Variants in PRKDC observed in about 807,000 individuals in gnomAD.
The protein encoded by PRKDC is DNA-dependent protein kinase catalytic subunit.
In PRKDC, 82 loss-of-function variants were observed where a neutral mutation model predicts 486.9. The observed-to-expected ratio is 0.17, with a 90% CI of 0.14 to 0.20. The LOEUF (loss-of-function observed/expected upper bound fraction) is 0.20, where lower values mean the gene tolerates loss of function less well. Among genes scored for constraint, PRKDC ranks in the 10% least tolerant of loss-of-function variants. The probability of loss-of-function intolerance (pLI) is 1.00; values close to 1 mark genes in which losing one functional copy is unlikely to be tolerated. For synonymous variants in PRKDC, 1,895 were observed against 1,837.0 expected, an observed-to-expected ratio of 1.03 and a Z score of -0.81; for missense variants, 4,504 against 5,038.2, an observed-to-expected ratio of 0.89 and a Z score of 3.21.
intron 3 of PRKDC, among the ~76,000 whole-genome samples, 151 bp from the exon 4 acceptor site, chr8:47,956,099 A>G (rs974852906): frequency 6.6e-6 from 1 of 152,246 alleles, no homozygotes; most frequent in South Asian, 2.1e-4. Flanking sequence ...ATAGTGGCTC[A>G]TGCCTATAAT....
At chr8:47,803,622 T>C (rs1004221901) in intron 69 of PRKDC, 142 bp from the exon 70 acceptor site, 4 of 745,076 alleles carry the variant, frequency 5.4e-6, no homozygotes, top group African/African-American at 1.7e-5. Flanking sequence ...ATTATGTCTC[T>C]AAATTTATCA....
intron 25 of PRKDC, among the ~76,000 whole-genome samples, chr8:47,910,592 G>A (rs1311722297): frequency 7.2e-5 from 11 of 152,112 alleles, no homozygotes; most frequent in Admixed American, 5.9e-4. Flanking sequence ...TCCCTCCAGC[G>A]TGCAACCCTT....
intron 54 of PRKDC, among the ~76,000 whole-genome samples, chr8:47,844,431 G>GGCA (rs1426103848): frequency 6.6e-6 from 1 of 152,152 alleles, no homozygotes. Flanking sequence ...GACTTACACA[G>GGCA]GCACTCAATA....
intron 49 of PRKDC, among the ~76,000 whole-genome samples, chr8:47,856,858 T>C (rs1394260395): frequency 2.6e-5 from 4 of 152,352 alleles, no homozygotes; most frequent in East Asian, 1.9e-4. Context: ...AGTTTACACA[T>C]AGTTTTAATA....
intron 9 of PRKDC, 66 bp from the exon 10 acceptor site, chr8:47,943,432 C>T: frequency 6.8e-7 from 1 of 1,470,698 alleles, no homozygotes; most frequent in Non-Finnish European, 9.1e-7. Context: ...AACCAACAAA[C>T]CTGCAGGGAT....
At chr8:47,956,903 A>C (rs2090711912) in intron 3 of PRKDC, among the ~76,000 whole-genome samples, 1 of 150,728 alleles carries the variant, frequency 6.6e-6, no homozygotes, top group East Asian at 1.9e-4. Context: ...AAATTATCAA[A>C]GTAGTTTCTC....
At chr8:47,789,385 C>T (rs1298797799) in intron 74 of PRKDC, 147 bp from the exon 75 acceptor site, 2 of 229,372 alleles carry the variant, frequency 8.7e-6, no homozygotes, top group African/African-American at 2.3e-5. Flanking sequence ...TTATACATAT[C>T]ATATATATAT....
At chr8:47,878,103 G>GTTT (rs1279419423) in intron 39 of PRKDC, among the ~76,000 whole-genome samples, 4 of 126,590 alleles carry the variant, frequency 3.2e-5, no homozygotes, top group East Asian at 2.2e-4. Flanking sequence ...TTTTTTTTAG[G>GTTT]TTTTTTTTTT....
Position 47,943,236 on chromosome 8 carries a change from A to C in PRKDC, c.939T>G (p.Leu313=). The change falls in exon 10 of 86, where the codon CTT becomes CTG. Residue 313 remains leucine, a synonymous_variant. Transcript: ENST00000314191. ...HTNVELKKAA[L]SALESFLKQV... The stretch of plus-strand genomic sequence containing the variant: ...GTTTCAGAAAGGATTCCAGGGCTGA[A>C]AGTGCAGCTTTTTTCAATTCTACAT... The C allele has an allele frequency of 6.2e-7, 1 of 1,613,438 alleles. No homozygotes were observed. Among genetic ancestry groups the C allele is most frequent in the Non-Finnish European group, 8.5e-7 (1 of 1,179,728 alleles).
At chr8:47,957,313 C>T (rs2090720395) in intron 2 of PRKDC, 42 bp downstream of exon 2, 5 of 1,582,666 alleles carry the variant, frequency 3.2e-6, no homozygotes, top group Non-Finnish European at 4.3e-6. Flanking sequence ...GGAGTCACTC[C>T]AGGAATATAC....
intron 30 of PRKDC, among the ~76,000 whole-genome samples, chr8:47,894,773 A>T (rs2089542096): frequency 6.6e-6 from 1 of 152,208 alleles, no homozygotes; most frequent in African/African-American, 2.4e-5. Flanking sequence ...CAGACGCTTA[A>T]AAACCACTGA....
Position 47,893,268 on chromosome 8 carries a change from T to C in PRKDC, c.3718A>G (p.Thr1240Ala). The change falls in exon 31 of 86, where the codon ACC becomes GCC. Residue 1240 changes from threonine (T) to alanine (A), a missense_variant. Transcript: ENST00000314191. ...GQPSGILAQP[T>A]LLYLRGPFSL... ...AATGGCCCCCGAAGGTACAAGAGGG[T>C]GGGCTGGGCCAGGATGCCCGAGGGC... 6.2e-7 allele frequency: 1 copy of C among 1,611,838 alleles called. No individual in the cohort carries two copies. The highest frequency in any genetic ancestry group is 8.5e-7 in the Non-Finnish European group (1 of 1,178,764).
At chr8:47,887,148 G>C (rs1478055577) in intron 35 of PRKDC, among the ~76,000 whole-genome samples, 1 of 152,160 alleles carries the variant, frequency 6.6e-6, no homozygotes, top group Non-Finnish European at 1.5e-5. Flanking sequence ...ATGGTTCAAA[G>C]AGCCATGAGA....
At chr8:47,871,866 C>T (rs1442276811) in intron 40 of PRKDC, among the ~76,000 whole-genome samples, 2 of 152,172 alleles carry the variant, frequency 1.3e-5, no homozygotes, top group African/African-American at 4.8e-5. Flanking sequence ...GCTGGGATTA[C>T]AGGCGTGAGC....
At chr8:47,952,165 A>G (rs996399709) in intron 7 of PRKDC, among the ~76,000 whole-genome samples, 6 of 152,244 alleles carry the variant, frequency 3.9e-5, no homozygotes, top group African/African-American at 1.4e-4. Flanking sequence ...TTTCTGTACA[A>G]CAATGATCAT....
chr8:47,950,949 G>A (rs2090616569), intron 7 of PRKDC, among the ~76,000 whole-genome samples: 1 of 152,144 alleles, frequency 6.6e-6, no homozygotes, highest in Non-Finnish European at 1.5e-5. Flanking sequence ...AGTAGCCACT[G>A]TACTTTTGCC....
intron 46 of PRKDC, among the ~76,000 whole-genome samples, 177 bp downstream of exon 46, chr8:47,859,434 G>A (rs555097657): frequency 6.6e-6 from 1 of 152,330 alleles, no homozygotes; most frequent in Admixed American, 6.5e-5. Context: ...TGACTGCTGA[G>A]TCTACAGAAT....
chr8:47,921,357 C>A (rs1385915487), intron 21 of PRKDC, among the ~76,000 whole-genome samples: 1 of 152,146 alleles, frequency 6.6e-6, no homozygotes, highest in African/African-American at 2.4e-5. Flanking sequence ...TTACGTTGTG[C>A]AGCATGCCAA....
chr8:47,938,144 TGCCTGTAATCCCA>T (rs1321682471), intron 11 of PRKDC, among the ~76,000 whole-genome samples: 13 of 151,788 alleles, frequency 8.6e-5, no homozygotes, highest in African/African-American at 3.1e-4. Flanking sequence ...CGGTGGCTCA[TGCCTGTAATCCCA>T]GCACTTTGGG....
Sources: allele counts gnomAD v4.1 joint callset (sites outside exome capture counted in the v4.1 genomes callset), GRCh38; gene constraint gnomAD v4.1.1; transcripts MANE v1.5; gene names NCBI Gene and HGNC (gene_info 2026-07-23, HGNC 2026-07-21).